Variants in CTNNA3 observed in about 807,000 individuals in gnomAD.
CTNNA3 encodes the protein catenin alpha-3.
Under a neutral mutation model 95.7 loss-of-function variants are expected in CTNNA3, and 76 were observed. The observed-to-expected ratio is 0.79, with a 90% CI of 0.66 to 0.96. The LOEUF (loss-of-function observed/expected upper bound fraction) is 0.96, where lower values mean the gene tolerates loss of function less well. CTNNA3 is among the 40% of genes least tolerant of loss of function. The pLI is 0.00. For missense variants in CTNNA3, 1,191 were observed against 1,089.8 expected, an observed-to-expected ratio of 1.09 and a Z score of -1.31; for synonymous variants, 431 against 374.4, an observed-to-expected ratio of 1.15 and a Z score of -1.74.
At chr10:66,777,798 T>G (rs201180040) in intron 7 of CTNNA3, among the ~76,000 whole-genome samples, 3 of 41,508 alleles carry the variant, frequency 7.2e-5, no homozygotes, top group African/African-American at 2.0e-4. Context: ...CACACACACA[T>G]GCACACACAC....
chr10:66,100,361 C>T (rs975257384), intron 14 of CTNNA3, among the ~76,000 whole-genome samples: 3 of 152,106 alleles, frequency 2.0e-5, no homozygotes, highest in African/African-American at 4.8e-5. Flanking sequence ...AGGGATTCCA[C>T]ATAGTAGTTG....
chr10:67,707,378 C>A (rs1841084214), intron 1 of CTNNA3, among the ~76,000 whole-genome samples: 1 of 152,090 alleles, frequency 6.6e-6, no homozygotes, highest in Admixed American at 6.6e-5. Flanking sequence ...ATACTGACTC[C>A]AGATATACTC....
At chr10:66,511,873 T>A (rs1313676380) in intron 11 of CTNNA3, among the ~76,000 whole-genome samples, 1 of 151,988 alleles carries the variant, frequency 6.6e-6, no homozygotes, top group African/African-American at 2.4e-5. Context: ...GTCTATTAGG[T>A]TCATTTGGTA....
chr10:67,741,579 T>G (rs1284193542), intron 1 of CTNNA3, among the ~76,000 whole-genome samples: 5 of 151,128 alleles, frequency 3.3e-5, no homozygotes, highest in Non-Finnish European at 7.4e-5. Flanking sequence ...CCATCGAGGC[T>G]AGGAAGAAAC....
At chr10:65,934,044 C>A (rs1478501913) in intron 17 of CTNNA3, among the ~76,000 whole-genome samples, 1 of 152,068 alleles carries the variant, frequency 6.6e-6, no homozygotes, top group East Asian at 1.9e-4. Context: ...TGAGGAAACA[C>A]ATAACAGTAA....
intron 2 of CTNNA3, among the ~76,000 whole-genome samples, chr10:67,646,846 C>T (rs558443827): frequency 2.0e-5 from 3 of 152,066 alleles, no homozygotes; most frequent in South Asian, 4.1e-4. Flanking sequence ...CATGAAATCT[C>T]GACTTACATA....
chr10:67,370,999 T>A (rs965146334), intron 5 of CTNNA3, among the ~76,000 whole-genome samples: 8 of 149,488 alleles, frequency 5.4e-5, no homozygotes, highest in Non-Finnish European at 6.0e-5. Context: ...CCCAAGTAGC[T>A]GGGACTACAG....
chr10:67,512,083 T>G (rs1433439302), intron 5 of CTNNA3, among the ~76,000 whole-genome samples: 1 of 152,182 alleles, frequency 6.6e-6, no homozygotes, highest in Non-Finnish European at 1.5e-5. Flanking sequence ...ATAGAAATTT[T>G]TCAAAGAAAG....
chr10:66,089,097 G>A (rs937822142), intron 14 of CTNNA3, among the ~76,000 whole-genome samples: 1 of 151,770 alleles, frequency 6.6e-6, no homozygotes, highest in Admixed American at 6.6e-5. Flanking sequence ...TAAAGTTCGC[G>A]CCCCTTTTCT....
At chr10:67,715,847 A>G (rs1841139310) in intron 1 of CTNNA3, among the ~76,000 whole-genome samples, 1 of 152,232 alleles carries the variant, frequency 6.6e-6, no homozygotes, top group African/African-American at 2.4e-5. Flanking sequence ...AAACATTAGT[A>G]TCTACACAGG....
intron 12 of CTNNA3, among the ~76,000 whole-genome samples, chr10:66,324,106 G>A (rs2092224472): frequency 6.6e-6 from 1 of 151,952 alleles, no homozygotes; most frequent in Admixed American, 6.6e-5. Flanking sequence ...CAGATCATGA[G>A]GTCAGGGGTT....
At chr10:67,539,361 C>G (rs941634747) in intron 4 of CTNNA3, 142 bp downstream of exon 4, 2 of 832,624 alleles carry the variant, frequency 2.4e-6, no homozygotes, top group Admixed American at 5.5e-5. Flanking sequence ...TTAGTCTTCA[C>G]AACCCAGTCT....
intron 5 of CTNNA3, among the ~76,000 whole-genome samples, chr10:67,235,987 C>T (rs1367494349): frequency 3.4e-5 from 5 of 147,484 alleles, no homozygotes; most frequent in South Asian, 2.2e-4. Flanking sequence ...GTTAGAATGG[C>T]AGTCATTAAA....
chr10:66,899,305 T>C (rs1241864195), intron 7 of CTNNA3, among the ~76,000 whole-genome samples: 3 of 152,152 alleles, frequency 2.0e-5, no homozygotes, highest in Non-Finnish European at 2.9e-5. Flanking sequence ...GTATGGAGTT[T>C]CCTCAAAAAA....
chr10:66,854,282 G>C (rs1490404715), intron 7 of CTNNA3, among the ~76,000 whole-genome samples: 2 of 146,218 alleles, frequency 1.4e-5, no homozygotes, highest in Non-Finnish European at 3.0e-5. Flanking sequence ...CCCAGGTACA[G>C]ATTTGTTAGG....
chr10:66,337,255 T>C (rs1289496806), intron 12 of CTNNA3, among the ~76,000 whole-genome samples: 2 of 152,276 alleles, frequency 1.3e-5, no homozygotes, highest in East Asian at 3.9e-4. Context: ...GAAGGCTTTT[T>C]GTAGTCTTCA....
Position 66,069,290 on chromosome 10 carries a change from C to G in CTNNA3, c.2159+18G>C. ...TTCAGCCATTATGAATATTACACATCGTTTTCCACATAATTACCTAGTGAA... is the reference window on the plus strand; with the variant it reads ...TTCAGCCATTATGAATATTACACATGGTTTTCCACATAATTACCTAGTGAA... On this transcript the variant is annotated intron_variant, in intron 15 of 17. Coordinates refer to ENST00000433211, the MANE Select transcript of CTNNA3 (RefSeq NM_013266.4). 6.2e-7 allele frequency: 1 copy of G among 1,608,236 alleles called. No homozygotes were observed. The highest frequency in any genetic ancestry group is 8.5e-7 in the Non-Finnish European group (1 of 1,175,334).
chr10:67,006,337 C>A (rs1373258710), intron 7 of CTNNA3, among the ~76,000 whole-genome samples: 1 of 152,048 alleles, frequency 6.6e-6, no homozygotes, highest in Non-Finnish European at 1.5e-5. Flanking sequence ...TCTGTCTTAC[C>A]AAATTGCTAA....
intron 16 of CTNNA3, among the ~76,000 whole-genome samples, chr10:65,978,538 C>T (rs1230435791): frequency 6.6e-6 from 1 of 150,384 alleles, no homozygotes; most frequent in Non-Finnish European, 1.5e-5. Flanking sequence ...AGTGCTCTGG[C>T]TTCATCTGTC....
Sources: gnomAD v4.1 joint callset for allele counts (sites outside exome capture counted in the v4.1 genomes callset) on GRCh38, gnomAD v4.1.1 for gene constraint, MANE v1.5 for transcripts, NCBI Gene and HGNC (gene_info 2026-07-23, HGNC 2026-07-21) for gene names.